NFATC2: variants seen among roughly 807,000 people sequenced by gnomAD.
The protein encoded by NFATC2 is nuclear factor of activated T cells 2.
Under a neutral mutation model 87.3 loss-of-function variants are expected in NFATC2, and 22 were observed. The observed-to-expected ratio is 0.25, with a 90% CI of 0.18 to 0.36. The LOEUF is 0.36. Ranked by LOEUF, NFATC2 falls within the 10% of genes least tolerant of loss-of-function variation. The pLI, the probability that NFATC2 is intolerant of heterozygous loss-of-function variation, is 1.00. For synonymous variants in NFATC2, 565 were observed against 542.2 expected (o/e 1.04, Z -0.58); for missense variants, 1,149 against 1,259.1 (o/e 0.91, Z 1.32).
intron 10 of NFATC2, 37 bp downstream of exon 10, chr20:51,398,606 C>T: frequency 1.4e-6 from 2 of 1,472,216 alleles, no homozygotes; most frequent in Non-Finnish European, 1.9e-6. Context: ...AAACACACAG[C>T]TGGAAAACAA....
intron 6 of NFATC2, among the ~76,000 whole-genome samples, chr20:51,452,021 GA>G (rs1985849251): frequency 6.6e-6 from 1 of 152,180 alleles, no homozygotes; most frequent in African/African-American, 2.4e-5. Context: ...CCCTTGAAAA[GA>G]ACTGTCTTCC....
chr20:51,437,579 C>T (rs529847537), intron 6 of NFATC2, among the ~76,000 whole-genome samples: 1 of 152,158 alleles, frequency 6.6e-6, no homozygotes, highest in South Asian at 2.1e-4. Context: ...CCACCCACCT[C>T]CCCCATGAAA....
At chr20:51,561,476 A>AAGC (rs2077028527) in intron 1 of NFATC2, among the ~76,000 whole-genome samples, 16 of 132,098 alleles carry the variant, frequency 1.2e-4, no homozygotes, top group South Asian at 2.6e-4. Context: ...AGAAAGAAAG[A>AAGC]AAGAAAGAAA....
intron 3 of NFATC2, among the ~76,000 whole-genome samples, chr20:51,491,354 T>C (rs2075880010): frequency 6.6e-6 from 1 of 152,162 alleles, no homozygotes; most frequent in South Asian, 2.1e-4. Flanking sequence ...AACTAAAAAG[T>C]GGCATTCGTT....
At position 51,537,498 on chromosome 20, in the gene NFATC2, G is replaced by A. The variant is rs374892628; in HGVS notation, c.130+4872C>T. On this transcript the variant is annotated intron_variant, in intron 1 of 10. Coordinates refer to ENST00000371564, the MANE Select transcript of NFATC2 (RefSeq NM_012340.5). ...AGTTGGTATTAAATGCTTTAGCTTA[G>A]CAGAAATTGAAGGAGGGCTGCACCA... 5.3e-5 allele frequency among the ~76,000 whole-genome samples: 8 copies of A among 152,288 alleles called. 1 individual carries two copies. Among genetic ancestry groups the A allele is most frequent in the East Asian group, 1.9e-4 (1 of 5,188 alleles).
rs772713845 is a variant in NFATC2 at position 51,435,706 on chromosome 20, G to T, written c.1905C>A (p.Pro635=). 9 of 1,609,332 alleles carry T rather than the reference G, an allele frequency of 5.6e-6. No individual in the cohort carries two copies. In the East Asian group the frequency reaches 2.0e-4, roughly 36 times the overall value. The change falls in exon 7 of 11, where the codon CCC becomes CCA. Residue 635 remains proline (P), a splice_region_variant and synonymous_variant. Coordinates refer to ENST00000371564, the MANE Select transcript of NFATC2 (RefSeq NM_012340.5). ...EATVDKDKSQ[P]NMLFVEIPEY... ...ACACTCAGGTGCGTCACGTGCTTACGGGCTGGCTCTTGTCCTTATCCACCG... is the reference window on the plus strand; with the variant it reads ...ACACTCAGGTGCGTCACGTGCTTACTGGCTGGCTCTTGTCCTTATCCACCG...
chr20:51,458,338 C>G (rs1001717341), intron 5 of NFATC2, among the ~76,000 whole-genome samples: 2 of 152,086 alleles, frequency 1.3e-5, no homozygotes, highest in African/African-American at 4.8e-5. Context: ...ATGCCAGGAG[C>G]ACCCTACCCC....
At chr20:51,451,572 G>A (rs1007247260) in intron 6 of NFATC2, among the ~76,000 whole-genome samples, 2 of 152,238 alleles carry the variant, frequency 1.3e-5, no homozygotes, top group African/African-American at 2.4e-5. Flanking sequence ...TAGACCAGGG[G>A]TCTTCAATCC....
chr20:51,418,161 G>A (rs914256612), intron 9 of NFATC2, among the ~76,000 whole-genome samples: 5 of 152,220 alleles, frequency 3.3e-5, no homozygotes, highest in Non-Finnish European at 5.9e-5. Context: ...CTCAGAGAGT[G>A]CTAGGAATGC....
intron 10 of NFATC2, among the ~76,000 whole-genome samples, chr20:51,396,808 G>T (rs1210348101): frequency 6.6e-6 from 1 of 152,170 alleles, no homozygotes; most frequent in Non-Finnish European, 1.5e-5. Flanking sequence ...AGCACATGAA[G>T]TCCTCTCTGG....
At chr20:51,512,439 C>T (rs1490063095) in intron 3 of NFATC2, among the ~76,000 whole-genome samples, 3 of 152,176 alleles carry the variant, frequency 2.0e-5, no homozygotes, top group African/African-American at 7.2e-5. Flanking sequence ...CTGTGCTGAT[C>T]TCACCAACGT....
At chr20:51,558,791 A>G (rs977972951) in intron 1 of NFATC2, among the ~76,000 whole-genome samples, 2 of 152,192 alleles carry the variant, frequency 1.3e-5, no homozygotes, top group Non-Finnish European at 2.9e-5. Flanking sequence ...TCTGGATAAT[A>G]TTAATATCAC....
At chr20:51,461,515 C>A (rs1224323682) in intron 5 of NFATC2, among the ~76,000 whole-genome samples, 2 of 152,138 alleles carry the variant, frequency 1.3e-5, no homozygotes, top group East Asian at 3.9e-4. Context: ...CTTGGGGGGG[C>A]TCTTGTATTT....
intron 5 of NFATC2, among the ~76,000 whole-genome samples, chr20:51,462,858 C>T (rs1337845204): frequency 6.6e-6 from 1 of 151,930 alleles, no homozygotes; most frequent in Non-Finnish European, 1.5e-5. Context: ...CTTGGGAGCT[C>T]ACAGCAAATG....
rs796594802 is a variant in NFATC2, at chr20:51,562,391, G to C, written c.70+169C>G. Among the ~76,000 whole-genome samples, 1 of 152,056 alleles carries C rather than the reference G, an allele frequency of 6.6e-6. No individual in the cohort carries two copies. The highest frequency in any genetic ancestry group is 2.1e-4 in the South Asian group (1 of 4,822). ...AGTGTCCCTTCCCTGGCCGGGGCGC[G>C]GGCGCCCCTCCGCGGGCCCCGCTAC... On this transcript the variant is annotated intron_variant, in intron 1 of 10. Transcript: ENST00000414705. The surrounding 1 kb of genome is among the most constrained non-coding windows in gnomAD (Gnocchi z 5.8).
At chr20:51,508,383 C>T (rs923710447) in intron 3 of NFATC2, among the ~76,000 whole-genome samples, 1 of 152,228 alleles carries the variant, frequency 6.6e-6, no homozygotes, top group African/African-American at 2.4e-5. Context: ...CCACTGCGGG[C>T]ATCCCTCAGC....
At chr20:51,399,935 T>C (rs551719249) in intron 9 of NFATC2, among the ~76,000 whole-genome samples, 3 of 152,328 alleles carry the variant, frequency 2.0e-5, no homozygotes, top group African/African-American at 7.2e-5. Flanking sequence ...TTGCAATATC[T>C]ACCTGCCCAA....
At chr20:51,391,508 G>A (rs372497587) in intron 10 of NFATC2, 57 bp from the exon 11 acceptor site, 29 of 1,545,540 alleles carry the variant, frequency 1.9e-5, no homozygotes, top group Middle Eastern at 2.2e-4. Flanking sequence ...AGAGGGCACC[G>A]AAAACATGCA....
intron 2 of NFATC2, among the ~76,000 whole-genome samples, chr20:51,521,086 T>TACTTAACTCTC (rs138176493): frequency 0.011 from 1,678 of 152,352 alleles, 33 homozygotes; most frequent in African/African-American, 0.038. Flanking sequence ...CACAGGCACC[T>TACTTAACTCTC]ACTTAACTCT....
Sources: gnomAD v4.1 joint callset for allele counts (sites outside exome capture counted in the v4.1 genomes callset) on GRCh38, gnomAD v4.1.1 for gene constraint, Gnocchi (gnomAD v3.1) non-coding constraint, MANE v1.5 for transcripts, NCBI Gene and HGNC (gene_info 2026-07-23, HGNC 2026-07-21) for gene names.